The following SETDB1 variants were observed in gnomAD, a reference collection of about 807,000 sequenced individuals.
SETDB1 encodes SET domain bifurcated histone lysine methyltransferase 1.
Under a neutral mutation model 137.4 loss-of-function variants are expected in SETDB1, and 31 were observed. The ratio of observed to expected loss-of-function variants is 0.23; its 90% CI spans 0.17 to 0.30. The LOEUF (loss-of-function observed/expected upper bound fraction) is 0.30. Ranked by LOEUF, SETDB1 falls within the 10% of genes least tolerant of loss-of-function variation. The pLI, the probability that SETDB1 is intolerant of heterozygous loss-of-function variation, is 1.00. For synonymous variants in SETDB1, 548 were observed against 579.9 expected (o/e 0.95, Z 0.79); for missense variants, 1,113 against 1,631.5 (o/e 0.68, Z 5.47).
intron 1 of SETDB1, chr1:150,926,827 C>T (rs1211236900): frequency 1.9e-6 from 1 of 533,318 alleles, no homozygotes; most frequent in East Asian, 5.4e-5. Context: ...GTTTTATTCC[C>T]AGGTTGCTTT....
rs1376112710 is a variant in SETDB1 at position 150,939,351 on chromosome 1, A to G, written c.413-589A>G. Among the ~76,000 whole-genome samples the G allele has an allele frequency of 5.4e-5, 8 of 149,134 alleles. No individual in the cohort carries two copies. In the South Asian group the frequency reaches 1.7e-3, roughly 31 times the overall value. ...TTTTATTATTATTGTTTTTTGAGCC[A>G]GAGTCTCGTTCTGTCAACCAGGCTG... On this transcript the variant is annotated intron_variant, in intron 3 of 21. Transcript: ENST00000692827.
At chr1:150,961,586 T>C (rs1571663266) in intron 16 of SETDB1, 1 of 228,052 alleles carries the variant, frequency 4.4e-6, no homozygotes, top group Non-Finnish European at 8.8e-6. Flanking sequence ...ACCTGGAGGG[T>C]GGAGGTGCAG....
chr1:150,927,870 T>C lies in SETDB1; in HGVS notation c.156T>C (p.Asp52=). The change falls in exon 2 of 22, where the codon GAT becomes GAC. Residue 52 remains aspartate (D), a synonymous_variant. Coordinates refer to ENST00000692827, the MANE Select transcript of SETDB1 (RefSeq NM_001366418.1). ...TCGATGAGGAACTGGAGAAGATGGA[T>C]TGTGTACAGCAACGCAAGAAGCAGC... ...HFIDEELEKM[D]CVQQRKKQLA... The C allele has an allele frequency of 6.2e-7, 1 of 1,614,114 alleles. No homozygotes were observed. The highest frequency in any genetic ancestry group is 8.5e-7 in the Non-Finnish European group (1 of 1,180,038).
At chr1:150,944,064 TTGAAAAGCCC>T (rs752331708) in intron 8 of SETDB1, 71 bp downstream of exon 8, 36 of 1,045,160 alleles carry the variant, frequency 3.4e-5, no homozygotes, top group South Asian at 6.4e-5. Context: ...GGACATCCAG[TTGAAAAGCCC>T]TAGTGTTTTT....
chr1:150,936,382 G>A (rs1208752403), intron 3 of SETDB1, among the ~76,000 whole-genome samples: 1 of 152,126 alleles, frequency 6.6e-6, no homozygotes, highest in East Asian at 1.9e-4. Flanking sequence ...TTTAGCTAGT[G>A]AGGCGAATGC....
chr1:150,939,869 T>A, intron 3 of SETDB1, 71 bp from the exon 4 acceptor site: 1 of 1,087,644 alleles, frequency 9.2e-7, no homozygotes, highest in Non-Finnish European at 1.4e-6. Flanking sequence ...TTTGAGTAAG[T>A]TAGTTCTTAA....
chr1:150,957,347 C>T (rs1379813849), intron 14 of SETDB1, among the ~76,000 whole-genome samples: 2 of 152,044 alleles, frequency 1.3e-5, no homozygotes, highest in Non-Finnish European at 2.9e-5. Context: ...GAAAAAACAC[C>T]ACCTGTATTA....
At chr1:150,945,335 AT>A in intron 9 of SETDB1, 1 of 1,411,422 alleles carries the variant, frequency 7.1e-7, no homozygotes, top group Non-Finnish European at 9.3e-7. Context: ...CATGGTTTTG[AT>A]TTATTTATTT....
At chr1:150,957,116 C>CAA (rs1268658002) in intron 14 of SETDB1, among the ~76,000 whole-genome samples, 15 of 132,160 alleles carry the variant, frequency 1.1e-4, no homozygotes, top group African/African-American at 3.0e-4. Context: ...GACCATGACT[C>CAA]AAAAAAAAAA....
At chr1:150,948,081 T>C (rs1571646481) in intron 10 of SETDB1, among the ~76,000 whole-genome samples, 1 of 149,004 alleles carries the variant, frequency 6.7e-6, no homozygotes, top group African/African-American at 2.5e-5. Flanking sequence ...AAAAAAAAAA[T>C]GCTGAGTGTG....
chr1:150,930,864 C>G (rs767972856), intron 3 of SETDB1, among the ~76,000 whole-genome samples: 1 of 151,498 alleles, frequency 6.6e-6, no homozygotes, highest in South Asian at 2.1e-4. Flanking sequence ...AAAACTAATT[C>G]ATGCAAGTAA....
At chr1:150,961,899 C>G in intron 16 of SETDB1, 1 of 620,528 alleles carries the variant, frequency 1.6e-6, no homozygotes, top group Non-Finnish European at 2.9e-6. Flanking sequence ...TGTAATCCTG[C>G]TCGTGGTGTT....
At chr1:150,955,635 T>C (rs587627494) in intron 14 of SETDB1, among the ~76,000 whole-genome samples, 14 of 152,386 alleles carry the variant, frequency 9.2e-5, no homozygotes, top group Non-Finnish European at 1.8e-4. Flanking sequence ...ATTCTCTCAT[T>C]GAGCACCATG....
At chr1:150,961,896 C>G (rs755391111) in intron 16 of SETDB1, 1 of 614,662 alleles carries the variant, frequency 1.6e-6, no homozygotes, top group African/African-American at 1.8e-5. Context: ...TGATGTAATC[C>G]TGCTCGTGGT....
intron 14 of SETDB1, among the ~76,000 whole-genome samples, chr1:150,958,171 G>A (rs1238023513): frequency 1.4e-5 from 2 of 140,652 alleles, no homozygotes; most frequent in Non-Finnish European, 3.1e-5. Context: ...CAATGAGAGC[G>A]AAACTCTGTC....
In SETDB1 at chr1:150,942,663, C is replaced by G; in HGVS notation, c.648C>G (p.Gly216=). 5.0e-6 allele frequency: 8 copies of G among 1,613,532 alleles called. No homozygotes were observed. Among genetic ancestry groups the G allele is most frequent in the Non-Finnish European group, 6.8e-6 (8 of 1,179,786 alleles). ...AGAGAACTAAGACTTGGCACAAAGG[C>G]ACCCTTATTGCCATCCAGACAGTTG... ...GKKRTKTWHK[G]TLIAIQTVGP... The change falls in exon 6 of 22, where the codon GGC becomes GGG. Residue 216 remains glycine, a synonymous_variant. Coordinates refer to ENST00000692827, the MANE Select transcript of SETDB1 (RefSeq NM_001366418.1).
At chr1:150,937,860 G>A in intron 3 of SETDB1, among the ~76,000 whole-genome samples, 1 of 152,102 alleles carries the variant, frequency 6.6e-6, no homozygotes, top group South Asian at 2.1e-4. Context: ...TTTATCAACT[G>A]ATGAATGGAT....
At chr1:150,928,061 T>G in intron 2 of SETDB1, 87 bp downstream of exon 2, 3 of 1,464,544 alleles carry the variant, frequency 2.0e-6, no homozygotes, top group Non-Finnish European at 2.8e-6. Context: ...AACCAAGCAT[T>G]TTATTTTATG....
chr1:150,928,533 T>TA (rs202073638), intron 2 of SETDB1, among the ~76,000 whole-genome samples: 3,735 of 152,300 alleles, frequency 0.025, 73 homozygotes, highest in Non-Finnish European at 0.039. Context: ...ATTTCTGTCT[T>TA]ACGTAACTCT....
Sources: gnomAD v4.1 joint callset for allele counts (sites outside exome capture counted in the v4.1 genomes callset) on GRCh38, gnomAD v4.1.1 for gene constraint, MANE v1.5 for transcripts, NCBI Gene and HGNC (gene_info 2026-07-23, HGNC 2026-07-21) for gene names.